The following JAK1 variants were observed in gnomAD, a reference collection of about 807,000 sequenced individuals.
The protein encoded by JAK1 is Janus kinase 1.
JAK1 carries 16 observed loss-of-function variants against 136.6 expected under a neutral mutation model. The observed-to-expected ratio is 0.12, with a 90% confidence interval of 0.08 to 0.18. The LOEUF (loss-of-function observed/expected upper bound fraction) is 0.18. JAK1 is among the 10% of genes least tolerant of loss of function. The pLI is 1.00. For missense variants in JAK1, 859 were observed against 1,450.1 expected, an observed-to-expected ratio of 0.59 and a Z score of 6.62; for synonymous variants, 492 against 519.5, an observed-to-expected ratio of 0.95 and a Z score of 0.72.
chr1:64,902,124 G>A (rs1445796946), intron 1 of JAK1, among the ~76,000 whole-genome samples: 1 of 152,138 alleles, frequency 6.6e-6, no homozygotes, highest in Non-Finnish European at 1.5e-5. Context: ...TTTAATCATT[G>A]TGAGGTCAAT....
chr1:64,896,331 C>A (rs1213975461), intron 1 of JAK1, among the ~76,000 whole-genome samples: 1 of 152,200 alleles, frequency 6.6e-6, no homozygotes, highest in Non-Finnish European at 1.5e-5. Flanking sequence ...AGTGGCAATG[C>A]CTGGTCATTC....
Position 64,926,864 on chromosome 1 carries a change from C to T in JAK1, c.-78+39469G>A, listed in dbSNP as rs140863760. 4.1e-4 allele frequency among the ~76,000 whole-genome samples: 63 copies of T among 152,260 alleles called. 1 individual carries two copies. The highest frequency in any genetic ancestry group is 6.8e-3 in the Middle Eastern group (2 of 294). On this transcript the variant is annotated intron_variant, in intron 1 of 24. Coordinates refer to ENST00000342505, the MANE Select transcript of JAK1 (RefSeq NM_002227.4). The stretch of plus-strand genomic sequence containing the variant: ...ATTTCTTCATCTGTAAAACAATGAT[C>T]GTAACACATGCTCCGTAGTATTTTG...
intron 8 of JAK1, among the ~76,000 whole-genome samples, chr1:64,862,370 TATC>T (rs990111134): frequency 2.6e-5 from 4 of 152,220 alleles, no homozygotes; most frequent in South Asian, 2.1e-4. Flanking sequence ...AGTTTCCCCT[TATC>T]ATACTCACCC....
intron 4 of JAK1, among the ~76,000 whole-genome samples, chr1:64,877,159 A>G (rs1644685674): frequency 6.6e-6 from 1 of 152,238 alleles, no homozygotes; most frequent in South Asian, 2.1e-4. Context: ...CATTATCTAA[A>G]AACAGAAAAC....
intron 2 of JAK1, among the ~76,000 whole-genome samples, chr1:65,014,915 G>A (rs1327442933): frequency 6.6e-6 from 1 of 152,014 alleles, no homozygotes; most frequent in Non-Finnish European, 1.5e-5. Flanking sequence ...TCGATCTCCT[G>A]ACCTCGTGAT....
intron 1 of JAK1, among the ~76,000 whole-genome samples, chr1:65,054,057 A>G (rs1647413430): frequency 6.6e-6 from 1 of 152,182 alleles, no homozygotes; most frequent in Admixed American, 6.5e-5. Context: ...TTAGTTTTAA[A>G]AGCATGACCC....
intron 8 of JAK1, among the ~76,000 whole-genome samples, chr1:64,861,365 T>C (rs1192787289): frequency 6.6e-6 from 1 of 151,952 alleles, no homozygotes; most frequent in Non-Finnish European, 1.5e-5. Context: ...AAGGCACCTG[T>C]GGAGAAGAGG....
At chr1:64,997,645 A>C (rs1646715287) in intron 2 of JAK1, among the ~76,000 whole-genome samples, 1 of 152,242 alleles carries the variant, frequency 6.6e-6, no homozygotes, top group East Asian at 1.9e-4. Flanking sequence ...TGTGACTGAC[A>C]TAAACAAGGA....
At chr1:65,030,555 CAG>C (rs1647013930) in intron 2 of JAK1, among the ~76,000 whole-genome samples, 1 of 149,110 alleles carries the variant, frequency 6.7e-6, no homozygotes, top group Non-Finnish European at 1.5e-5. Flanking sequence ...TTTTTTGAGA[CAG>C]AGTCTCACCC....
chr1:64,876,736 T>C (rs370798362), intron 4 of JAK1, among the ~76,000 whole-genome samples: 1 of 151,988 alleles, frequency 6.6e-6, no homozygotes, highest in East Asian at 1.9e-4. Context: ...AAATTAAAAA[T>C]GACATCAATA....
chr1:65,000,372 T>C (rs970355497), intron 2 of JAK1, among the ~76,000 whole-genome samples: 1 of 151,792 alleles, frequency 6.6e-6, no homozygotes, highest in Non-Finnish European at 1.5e-5. Context: ...GCAAGATGAG[T>C]CCTGCCTGTA....
At chr1:64,851,259 A>G (rs1655572983) in intron 11 of JAK1, among the ~76,000 whole-genome samples, 1 of 152,214 alleles carries the variant, frequency 6.6e-6, no homozygotes, top group South Asian at 2.1e-4. Context: ...GTAAGACTGG[A>G]AACTGAAAGA....
At chr1:64,939,803 G>T (rs559351430) in intron 1 of JAK1, among the ~76,000 whole-genome samples, 1 of 152,208 alleles carries the variant, frequency 6.6e-6, no homozygotes, top group South Asian at 2.1e-4. Context: ...ATAAAAGTGG[G>T]AACCAGAAAC....
chr1:64,928,788 A>AAAAAAAAAAC (rs1645632414), intron 1 of JAK1, among the ~76,000 whole-genome samples: 13 of 90,614 alleles, frequency 1.4e-4, no homozygotes, highest in African/African-American at 5.7e-4. Flanking sequence ...CAAAAAAAAA[A>AAAAAAAAAAC]AAAAAAAACA....
At chr1:64,839,581 AC>A (rs1357502813) in intron 20 of JAK1, 21 bp downstream of exon 20, 1 of 1,606,330 alleles carries the variant, frequency 6.2e-7, no homozygotes, top group Admixed American at 1.7e-5. Context: ...TTTAAACCGG[AC>A]CCCAGCCTTG....
chr1:64,953,502 G>A (rs1352452955), intron 1 of JAK1, among the ~76,000 whole-genome samples: 1 of 152,078 alleles, frequency 6.6e-6, no homozygotes, highest in Non-Finnish European at 1.5e-5. Context: ...TTATATAACA[G>A]TCAGGTAATA....
intron 2 of JAK1, among the ~76,000 whole-genome samples, chr1:65,006,690 C>T (rs78837725): frequency 0.023 from 3,460 of 152,224 alleles, 120 homozygotes; most frequent in African/African-American, 0.079. Flanking sequence ...TTCATATTTC[C>T]CTTTCTCAAA....
chr1:64,989,747 T>C (rs1646637824), intron 2 of JAK1: 1 of 152,140 alleles, frequency 6.6e-6, no homozygotes, highest in African/African-American at 2.4e-5. Context: ...AGAGTTTCTT[T>C]GGGAAGTTAG....
At chr1:64,842,420 A>G (rs1484718916) in intron 17 of JAK1, among the ~76,000 whole-genome samples, 1 of 128,758 alleles carries the variant, frequency 7.8e-6, no homozygotes, top group East Asian at 2.6e-4. Context: ...CTGGACTCCA[A>G]GGGTACTAAG....
Sources: allele counts gnomAD v4.1 joint callset (sites outside exome capture counted in the v4.1 genomes callset), GRCh38; gene constraint gnomAD v4.1.1; transcripts MANE v1.5; gene names NCBI Gene and HGNC (gene_info 2026-07-23, HGNC 2026-07-21).